DLG2: variants seen among roughly 807,000 people sequenced by gnomAD.
DLG2 encodes the protein disks large homolog 2.
DLG2 carries 45 observed loss-of-function variants against 132.5 expected under a neutral mutation model. The ratio of observed to expected loss-of-function variants is 0.34; its 90% confidence interval spans 0.27 to 0.44. The LOEUF is 0.44. Among genes scored for constraint, DLG2 ranks in the 20% least tolerant of loss-of-function variants. The pLI is 1.00. For synonymous variants in DLG2, 424 were observed against 419.6 expected, an observed-to-expected ratio of 1.01 and a Z score of -0.13; for missense variants, 1,045 against 1,196.9, an observed-to-expected ratio of 0.87 and a Z score of 1.87.
At position 84,622,975 on chromosome 11, in the gene DLG2, CCTT is replaced by C. The variant is rs1338176158; in HGVS notation, c.358-88247_358-88245del. 3.9e-5 allele frequency among the ~76,000 whole-genome samples: 6 copies of C among 152,112 alleles called. No homozygotes were observed. In the East Asian group the frequency reaches 9.7e-4, roughly 25 times the overall value. On this transcript the variant is annotated intron_variant, in intron 6 of 27. Coordinates refer to ENST00000376104, the MANE Select transcript of DLG2 (RefSeq NM_001142699.3). ...GTGCTATCCCTTACATCAACTTCCT[CCTT>C]TTTAGTTTCATAGCCTCCAATCTAG...
At chr11:83,702,585 AG>A (rs932322732) in intron 18 of DLG2, among the ~76,000 whole-genome samples, 2 of 152,196 alleles carry the variant, frequency 1.3e-5, no homozygotes, top group African/African-American at 4.8e-5. Flanking sequence ...TTGAAGGCAG[AG>A]GAAGCTAGGC....
chr11:84,819,549 G>A (rs1370680338), intron 6 of DLG2, among the ~76,000 whole-genome samples: 1 of 151,050 alleles, frequency 6.6e-6, no homozygotes, highest in East Asian at 2.0e-4. Flanking sequence ...AGACAATGGA[G>A]ATAACCTGAT....
chr11:85,196,820 C>T (rs2081103516), intron 4 of DLG2, among the ~76,000 whole-genome samples: 1 of 152,086 alleles, frequency 6.6e-6, no homozygotes, highest in Non-Finnish European at 1.5e-5. Context: ...CTTGTAATTT[C>T]CCCCAGCCAA....
chr11:83,494,553 CTTT>C (rs751725594), intron 21 of DLG2, among the ~76,000 whole-genome samples: 3 of 134,904 alleles, frequency 2.2e-5, no homozygotes. Flanking sequence ...CTGCCTATTT[CTTT>C]TTTTTTTTTT....
In DLG2 at chr11:84,596,907, C is replaced by T. The variant is rs75017878; in HGVS notation, c.358-62176G>A. 7.1e-3 allele frequency among the ~76,000 whole-genome samples: 1,081 copies of T among 152,248 alleles called. 16 individuals carry two copies. The highest frequency in any genetic ancestry group is 0.024 in the African/African-American group (997 of 41,558). On this transcript the variant is annotated intron_variant, in intron 6 of 27. Transcript: ENST00000376104. ...GGCACTATGCTAGGCATAGGGGATT[C>T]AGCAATGATAATGACAGAATGAATC...
chr11:83,880,350 A>G (rs1456798937), intron 15 of DLG2, among the ~76,000 whole-genome samples: 9 of 152,232 alleles, frequency 5.9e-5, no homozygotes, highest in Non-Finnish European at 1.0e-4. Flanking sequence ...ATAAATGCCT[A>G]AACTTGAATA....
chr11:85,067,734 G>T (rs1380186427), intron 6 of DLG2, among the ~76,000 whole-genome samples: 1 of 151,716 alleles, frequency 6.6e-6, no homozygotes, highest in Non-Finnish European at 1.5e-5. Flanking sequence ...CAAGGAGGAG[G>T]AGGAGTTTTC....
At chr11:85,588,827 G>C (rs2079125081) in intron 3 of DLG2, among the ~76,000 whole-genome samples, 1 of 152,096 alleles carries the variant, frequency 6.6e-6, no homozygotes, top group Non-Finnish European at 1.5e-5. Flanking sequence ...GGAACTCAAG[G>C]GCTGCTATTT....
At position 84,034,211 on chromosome 11, in the gene DLG2, G is replaced by A. The variant is rs541440024; in HGVS notation, c.919+25104C>T. ...TCAGTCAGCAGCCATCAACACTGAGGCAATATCTTCTGCCAGAAAAAGATG... is the reference window on the plus strand; with the variant it reads ...TCAGTCAGCAGCCATCAACACTGAGACAATATCTTCTGCCAGAAAAAGATG... On this transcript the variant is annotated intron_variant, in intron 11 of 27. Transcript: ENST00000376104. Among the ~76,000 whole-genome samples the A allele has an allele frequency of 2.6e-5, 4 of 152,254 alleles. No individual in the cohort carries two copies. In the South Asian group the frequency reaches 8.3e-4, roughly 32 times the overall value.
At chr11:85,468,229 G>T (rs890927260) in intron 3 of DLG2, among the ~76,000 whole-genome samples, 6 of 151,746 alleles carry the variant, frequency 4.0e-5, no homozygotes, top group Non-Finnish European at 7.4e-5. Context: ...TTGCTAGCAG[G>T]CTATCAATTT....
intron 10 of DLG2, among the ~76,000 whole-genome samples, chr11:84,097,347 T>C (rs781255055): frequency 1.9e-4 from 29 of 152,298 alleles, no homozygotes; most frequent in Non-Finnish European, 4.3e-4. Context: ...TCCCATACCC[T>C]TGATAATTTA....
intron 4 of DLG2, among the ~76,000 whole-genome samples, chr11:85,222,593 G>C (rs1458828644): frequency 6.6e-6 from 1 of 152,190 alleles, no homozygotes; most frequent in Non-Finnish European, 1.5e-5. Flanking sequence ...AGTCCCCAAA[G>C]AGGTTAATTG....
At chr11:85,101,279 T>A (rs1309022312) in intron 6 of DLG2, among the ~76,000 whole-genome samples, 1 of 152,116 alleles carries the variant, frequency 6.6e-6, no homozygotes, top group African/African-American at 2.4e-5. Flanking sequence ...ATGCCATGAT[T>A]ATACGAGATA....
At chr11:84,527,547 C>T (rs984975774) in intron 7 of DLG2, among the ~76,000 whole-genome samples, 11 of 152,174 alleles carry the variant, frequency 7.2e-5, no homozygotes, top group Non-Finnish European at 1.5e-4. Context: ...TCCAGCAAAG[C>T]TTCCCAGAAC....
At chr11:84,933,291 C>T (rs1171196438) in intron 6 of DLG2, among the ~76,000 whole-genome samples, 1 of 152,098 alleles carries the variant, frequency 6.6e-6, no homozygotes. Context: ...ATTTTTAAGT[C>T]AAATAGTGAG....
intron 6 of DLG2, among the ~76,000 whole-genome samples, chr11:84,547,443 A>T (rs987566072): frequency 6.6e-6 from 1 of 152,084 alleles, no homozygotes; most frequent in Non-Finnish European, 1.5e-5. Flanking sequence ...GCACTTTTGT[A>T]TGCAAAAAGA....
chr11:83,834,054 T>C (rs1177063587), intron 16 of DLG2, among the ~76,000 whole-genome samples: 3 of 152,216 alleles, frequency 2.0e-5, no homozygotes, highest in Non-Finnish European at 4.4e-5. Flanking sequence ...AAAACATCTC[T>C]TTTTGTATCA....
At chr11:83,917,393 T>C (rs1022666054) in intron 15 of DLG2, among the ~76,000 whole-genome samples, 2 of 152,170 alleles carry the variant, frequency 1.3e-5, no homozygotes, top group South Asian at 2.1e-4. Context: ...ACCTAACCTA[T>C]GTTAGAGGCA....
intron 6 of DLG2, among the ~76,000 whole-genome samples, chr11:84,617,787 A>G (rs2099607164): frequency 2.0e-5 from 3 of 152,144 alleles, no homozygotes; most frequent in Non-Finnish European, 2.9e-5. Flanking sequence ...GAAGGGAGGT[A>G]AACACCAGGA....
Sources: allele counts gnomAD v4.1 joint callset (sites outside exome capture counted in the v4.1 genomes callset), GRCh38; gene constraint gnomAD v4.1.1; transcripts MANE v1.5; gene names NCBI Gene and HGNC (gene_info 2026-07-23, HGNC 2026-07-21).